Variants in ROBO2 observed in about 807,000 individuals in gnomAD.
ROBO2 encodes the protein roundabout homolog 2.
A neutral mutation model predicts 160.8 loss-of-function variants in ROBO2; 53 were observed. The observed-to-expected ratio is 0.33, with a 90% CI of 0.26 to 0.41. The LOEUF is 0.41. Among genes scored for constraint, ROBO2 ranks in the 10% least tolerant of loss-of-function variants. ROBO2 has a pLI of 1.00. For synonymous variants in ROBO2, 664 were observed against 611.7 expected (o/e 1.09, Z -1.26); for missense variants, 1,577 against 1,722.4 (o/e 0.92, Z 1.49).
intron 2 of ROBO2, among the ~76,000 whole-genome samples, chr3:76,556,420 A>C (rs1159320725): frequency 6.6e-6 from 1 of 152,174 alleles, no homozygotes; most frequent in African/African-American, 2.4e-5. Flanking sequence ...CTCTGCATAA[A>C]GAGTGGAGGT....
chr3:76,502,364 G>A (rs1280975620), intron 2 of ROBO2, among the ~76,000 whole-genome samples: 2 of 152,140 alleles, frequency 1.3e-5, no homozygotes, highest in African/African-American at 4.8e-5. Context: ...GTGGCAATAT[G>A]TGCTGAATGC....
intron 2 of ROBO2, among the ~76,000 whole-genome samples, chr3:76,663,978 T>A (rs565531739): frequency 6.6e-6 from 1 of 151,600 alleles, no homozygotes; most frequent in African/African-American, 2.4e-5. Context: ...ATAGTCAGCC[T>A]GTGGAGAAAG....
At chr3:76,744,592 C>T (rs2093854710) in intron 2 of ROBO2, among the ~76,000 whole-genome samples, 2 of 152,068 alleles carry the variant, frequency 1.3e-5, no homozygotes, top group South Asian at 4.2e-4. Flanking sequence ...AAATTTCTGT[C>T]TTCAAGCAAT....
chr3:76,162,587 A>G (rs1441810357), intron 2 of ROBO2, among the ~76,000 whole-genome samples: 1 of 152,178 alleles, frequency 6.6e-6, no homozygotes, highest in Admixed American at 6.6e-5. Context: ...TTCTGGGATT[A>G]TAGGCATGAG....
intron 2 of ROBO2, among the ~76,000 whole-genome samples, chr3:76,637,666 G>T (rs2090415605): frequency 6.6e-6 from 1 of 152,154 alleles, no homozygotes; most frequent in Non-Finnish European, 1.5e-5. Context: ...TCAGTGAAAG[G>T]TGAGCTTTTG....
rs144550778 is a variant in ROBO2 at position 77,280,339 on chromosome 3, T to C, written c.388+181999T>C. Among the ~76,000 whole-genome samples the C allele has an allele frequency of 1.2e-4, 18 of 152,316 alleles. No homozygotes were observed. In the East Asian group the frequency reaches 3.5e-3, roughly 29 times the overall value. ...TTATGTTCCCTGCAAAATGGTTATGTGGAAAGTTATAGCTAATTTAAATCT... is the reference window on the plus strand; with the variant it reads ...TTATGTTCCCTGCAAAATGGTTATGCGGAAAGTTATAGCTAATTTAAATCT... On this transcript the variant is annotated intron_variant, in intron 2 of 25. Coordinates refer to ENST00000461745, the Ensembl canonical transcript of ROBO2.
At chr3:76,871,530 G>T (rs2072075997) in intron 2 of ROBO2, among the ~76,000 whole-genome samples, 1 of 148,224 alleles carries the variant, frequency 6.7e-6, no homozygotes, top group Non-Finnish European at 1.5e-5. Flanking sequence ...CTCCAGCCTG[G>T]GCGACAGAGC....
chr3:76,734,136 T>G (rs1029461130), intron 2 of ROBO2, among the ~76,000 whole-genome samples: 6 of 152,120 alleles, frequency 3.9e-5, no homozygotes, highest in African/African-American at 1.4e-4. Flanking sequence ...CATACGAACA[T>G]GGGGGCGGGG....
chr3:76,155,918 A>T (rs2072388361), intron 2 of ROBO2, among the ~76,000 whole-genome samples: 1 of 152,112 alleles, frequency 6.6e-6, no homozygotes. Context: ...GTCTGTAGGC[A>T]ATTTTCCTTT....
intron 2 of ROBO2, among the ~76,000 whole-genome samples, chr3:76,194,348 GTGTAAATATATATATATATATATA>G (rs199595845): frequency 0.23 from 10,613 of 45,724 alleles, 754 homozygotes; most frequent in African/African-American, 0.34. Context: ...TATGTATGGT[GTGTAAATATATATATATATATATA>G]TATATATATA....
intron 2 of ROBO2, among the ~76,000 whole-genome samples, chr3:76,941,244 GGCTTCCTT>G (rs2078167854): frequency 6.6e-6 from 1 of 152,008 alleles, no homozygotes; most frequent in Admixed American, 6.5e-5. Context: ...CTGTTTACTT[GGCTTCCTT>G]GCTTCTGTGC....
chr3:76,225,696 A>G (rs1194558002), intron 2 of ROBO2, among the ~76,000 whole-genome samples: 2 of 152,206 alleles, frequency 1.3e-5, no homozygotes, highest in Non-Finnish European at 2.9e-5. Flanking sequence ...CCTGGATGAC[A>G]GAGGGATTCC....
chr3:76,223,395 A>G (rs985191575), intron 2 of ROBO2, among the ~76,000 whole-genome samples: 3 of 151,842 alleles, frequency 2.0e-5, no homozygotes, highest in Non-Finnish European at 4.4e-5. Flanking sequence ...GTAGGGGGGT[A>G]GGGAGGCCAC....
At chr3:76,373,233 CT>C (rs1172062357) in intron 2 of ROBO2, among the ~76,000 whole-genome samples, 2 of 151,828 alleles carry the variant, frequency 1.3e-5, no homozygotes, top group South Asian at 4.1e-4. Context: ...TAAAAGTTGG[CT>C]TTTTCCTCTC....
intron 2 of ROBO2, among the ~76,000 whole-genome samples, chr3:77,434,256 G>T (rs1168657220): frequency 6.6e-6 from 1 of 151,984 alleles, no homozygotes; most frequent in Admixed American, 6.6e-5. Context: ...TTTCTCAGCA[G>T]AACTTACCTC....
intron 2 of ROBO2, among the ~76,000 whole-genome samples, chr3:76,943,104 T>A (rs2078299853): frequency 6.6e-6 from 1 of 152,210 alleles, no homozygotes; most frequent in African/African-American, 2.4e-5. Flanking sequence ...GGTAGGAAAT[T>A]TATTTTAATA....
intron 2 of ROBO2, among the ~76,000 whole-genome samples, chr3:77,353,620 C>T (rs1173968249): frequency 1.3e-5 from 2 of 152,170 alleles, no homozygotes; most frequent in South Asian, 4.2e-4. Context: ...AGGCAATTCT[C>T]CTGCCTCAGC....
chr3:77,224,987 A>AT (rs1292277195), intron 2 of ROBO2, among the ~76,000 whole-genome samples: 1 of 151,792 alleles, frequency 6.6e-6, no homozygotes, highest in Non-Finnish European at 1.5e-5. Flanking sequence ...TCATTATATG[A>AT]TTTTTTTACT....
exon 2 of ROBO2, chr3:77,098,084 G>A (rs2071346476): frequency 1.2e-6 from 2 of 1,607,696 alleles, no homozygotes; most frequent in African/African-American, 1.3e-5. Flanking sequence ...TCGTCTCTAA[G>A]GGCGAGCCCA....
Sources: allele counts gnomAD v4.1 joint callset (sites outside exome capture counted in the v4.1 genomes callset), GRCh38; gene constraint gnomAD v4.1.1; transcripts MANE v1.5; gene names NCBI Gene and HGNC (gene_info 2026-07-23, HGNC 2026-07-21).